The following PITPNC1 variants were observed in gnomAD, a reference collection of about 807,000 sequenced individuals.
PITPNC1 encodes cytoplasmic phosphatidylinositol transfer protein 1.
Under a neutral mutation model 44.7 loss-of-function variants are expected in PITPNC1, and 18 were observed. The observed-to-expected ratio is 0.40, with a 90% CI of 0.28 to 0.60. PITPNC1 has a LOEUF of 0.60. Among genes scored for constraint, PITPNC1 ranks in the 20% least tolerant of loss-of-function variants. The pLI, the probability that PITPNC1 is intolerant of heterozygous loss-of-function variation, is 0.39. For missense variants in PITPNC1, 290 were observed against 418.4 expected (o/e 0.69, Z 2.68); for synonymous variants, 141 against 149.6 (o/e 0.94, Z 0.42).
At chr17:67,634,444 T>C (rs2042008023) in intron 6 of PITPNC1, among the ~76,000 whole-genome samples, 1 of 151,918 alleles carries the variant, frequency 6.6e-6, no homozygotes, top group Non-Finnish European at 1.5e-5. Flanking sequence ...GGTGGTCAGC[T>C]ACTCGGGAGG....
rs944674390 is a variant in PITPNC1 at position 67,537,440 on chromosome 17, T to A, written c.197+4490T>A. 1.1e-4 allele frequency among the ~76,000 whole-genome samples: 16 copies of A among 152,274 alleles called. No homozygotes were observed. The South Asian group carries it at 2.9e-3, about 28-fold the overall frequency. On this transcript the variant is annotated intron_variant, in intron 2 of 8. Coordinates refer to ENST00000581322, the MANE Select transcript of PITPNC1 (RefSeq NM_012417.4). ...AATAGCGAAAATATAATTTAAAAAA[T>A]TTTTTGTTTATAATAGAAAAAGAAA...
At chr17:67,425,326 T>G (rs2038747634) in intron 1 of PITPNC1, among the ~76,000 whole-genome samples, 1 of 147,732 alleles carries the variant, frequency 6.8e-6, no homozygotes, top group Non-Finnish European at 1.5e-5. Flanking sequence ...TATGGGAGAA[T>G]GAACCCCTCA....
At chr17:67,544,270 T>C (rs765140726) in intron 2 of PITPNC1, among the ~76,000 whole-genome samples, 9 of 152,226 alleles carry the variant, frequency 5.9e-5, no homozygotes, top group Non-Finnish European at 1.3e-4. Flanking sequence ...AATCAAATTC[T>C]AGAATAGTGA....
At chr17:67,664,918 A>AAAG (rs1350895208) in intron 6 of PITPNC1, among the ~76,000 whole-genome samples, 1 of 139,962 alleles carries the variant, frequency 7.1e-6, no homozygotes, top group African/African-American at 3.3e-5. Flanking sequence ...AAAAAAAAAA[A>AAAG]AAGAAGAAGA....
intron 1 of PITPNC1, among the ~76,000 whole-genome samples, chr17:67,400,548 A>G (rs944325547): frequency 2.6e-5 from 4 of 152,086 alleles, no homozygotes; most frequent in Admixed American, 2.6e-4. Flanking sequence ...TCCGTTTTAT[A>G]TATAGACTTT....
intron 8 of PITPNC1, among the ~76,000 whole-genome samples, chr17:67,689,576 A>G (rs936381329): frequency 6.6e-6 from 1 of 152,222 alleles, no homozygotes; most frequent in Non-Finnish European, 1.5e-5. Context: ...TAGATCATCA[A>G]CCCAAGCAGG....
At chr17:67,388,112 T>C (rs2038081916) in intron 1 of PITPNC1, among the ~76,000 whole-genome samples, 1 of 152,202 alleles carries the variant, frequency 6.6e-6, no homozygotes, top group Non-Finnish European at 1.5e-5. Flanking sequence ...TATGTCCTCC[T>C]GTAAAAGGTT....
At chr17:67,475,341 G>T (rs915994933) in intron 1 of PITPNC1, among the ~76,000 whole-genome samples, 1 of 152,130 alleles carries the variant, frequency 6.6e-6, no homozygotes, top group African/African-American at 2.4e-5. Context: ...TAAATCCAAC[G>T]TGACGCCTAC....
At chr17:67,572,676 A>G (rs2041078388) in intron 4 of PITPNC1, among the ~76,000 whole-genome samples, 1 of 151,836 alleles carries the variant, frequency 6.6e-6, no homozygotes. Context: ...GCATGGGATA[A>G]TCATTCCGAA....
chr17:67,496,232 C>T (rs1057492249), intron 1 of PITPNC1, among the ~76,000 whole-genome samples: 10 of 152,146 alleles, frequency 6.6e-5, no homozygotes, highest in African/African-American at 1.7e-4. Context: ...CGAATGCTTC[C>T]GTGATGGAAA....
intron 5 of PITPNC1, among the ~76,000 whole-genome samples, chr17:67,582,045 AAAG>A (rs2041242059): frequency 6.6e-6 from 1 of 152,208 alleles, no homozygotes; most frequent in Admixed American, 6.5e-5. Flanking sequence ...AAAAAAAAGA[AAAG>A]AAAAGAAAAG....
chr17:67,532,767 G>C (rs1394658694), intron 1 of PITPNC1, 35 bp from the exon 2 acceptor site: 2 of 1,532,192 alleles, frequency 1.3e-6, no homozygotes, highest in Non-Finnish European at 1.8e-6. Flanking sequence ...GCACGCTGTG[G>C]GGCTGACCTT....
intron 1 of PITPNC1, among the ~76,000 whole-genome samples, chr17:67,497,269 G>T (rs929511176): frequency 2.6e-5 from 4 of 151,036 alleles, no homozygotes; most frequent in Non-Finnish European, 2.9e-5. Flanking sequence ...GCCCAGGCTG[G>T]AGTGCAATGG....
chr17:67,388,513 G>A (rs1193917593), intron 1 of PITPNC1, among the ~76,000 whole-genome samples: 2 of 151,990 alleles, frequency 1.3e-5, no homozygotes, highest in African/African-American at 2.4e-5. Context: ...GTAGAGACGA[G>A]GTTTCTCCAT....
chr17:67,553,143 T>G (rs2040790433), intron 3 of PITPNC1: 1 of 152,734 alleles, frequency 6.5e-6, no homozygotes, highest in South Asian at 2.1e-4. Context: ...TCCTAGAAAC[T>G]TTGGCCAAAA....
intron 1 of PITPNC1, among the ~76,000 whole-genome samples, chr17:67,428,104 C>T (rs1262396712): frequency 6.6e-6 from 1 of 152,178 alleles, no homozygotes; most frequent in African/African-American, 2.4e-5. Context: ...AAGCAATCCT[C>T]CTGCCTCAGC....
chr17:67,400,529 C>T (rs756377750), intron 1 of PITPNC1, among the ~76,000 whole-genome samples: 27 of 152,166 alleles, frequency 1.8e-4, no homozygotes. Flanking sequence ...AAACGCATTC[C>T]TCCCCCTTTC....
chr17:67,590,177 C>G (rs2041371747), intron 5 of PITPNC1, among the ~76,000 whole-genome samples: 1 of 151,906 alleles, frequency 6.6e-6, no homozygotes, highest in Non-Finnish European at 1.5e-5. Flanking sequence ...ATAATGAAAC[C>G]AAATCAACAG....
At chr17:67,411,713 A>G (rs961207162) in intron 1 of PITPNC1, among the ~76,000 whole-genome samples, 1 of 152,172 alleles carries the variant, frequency 6.6e-6, no homozygotes, top group Non-Finnish European at 1.5e-5. Flanking sequence ...GCACGAGATC[A>G]GAGCTAGATG....
Sources: allele counts gnomAD v4.1 joint callset (sites outside exome capture counted in the v4.1 genomes callset), GRCh38; gene constraint gnomAD v4.1.1; transcripts MANE v1.5; gene names NCBI Gene and HGNC (gene_info 2026-07-23, HGNC 2026-07-21).